SYNPO: variants seen among roughly 807,000 people sequenced by gnomAD.
SYNPO encodes synaptopodin.
SYNPO carries 19 observed loss-of-function variants against 49.5 expected under a neutral mutation model. The observed-to-expected ratio is 0.38, with a 90% CI of 0.27 to 0.56. The LOEUF (loss-of-function observed/expected upper bound fraction) is 0.56. Ranked by LOEUF, SYNPO falls within the 20% of genes least tolerant of loss-of-function variation. SYNPO has a pLI of 0.68. For missense variants in SYNPO, 1,131 were observed against 1,248.3 expected (o/e 0.91, Z 1.42); for synonymous variants, 536 against 548.0 (o/e 0.98, Z 0.31).
intron 2 of SYNPO, among the ~76,000 whole-genome samples, chr5:150,628,149 C>A (rs560003381): frequency 1.3e-5 from 2 of 152,162 alleles, no homozygotes; most frequent in South Asian, 2.1e-4. Flanking sequence ...AACATGGAAG[C>A]AGCCTGTAGG....
upstream of SYNPO, among the ~76,000 whole-genome samples, chr5:150,599,670 CA>C (rs1469041919): frequency 6.6e-6 from 1 of 152,164 alleles, no homozygotes. Context: ...TCTGCGAAGA[CA>C]GAGGCTCTTT....
chr5:150,637,542 G>T (rs1455922189), upstream of SYNPO, among the ~76,000 whole-genome samples: 1 of 152,186 alleles, frequency 6.6e-6, no homozygotes, highest in African/African-American at 2.4e-5. Flanking sequence ...GATTCCCAGC[G>T]CCTTCTTTGG....
At chr5:150,634,685 G>A (rs943105782) in intron 2 of SYNPO, among the ~76,000 whole-genome samples, 6 of 152,040 alleles carry the variant, frequency 3.9e-5, no homozygotes, top group African/African-American at 1.4e-4. Flanking sequence ...GCCGGGTGTG[G>A]TGGTGCATGC....
At chr5:150,646,815 T>A (rs901967996) in intron 1 of SYNPO, among the ~76,000 whole-genome samples, 3 of 152,238 alleles carry the variant, frequency 2.0e-5, no homozygotes, top group African/African-American at 7.2e-5. Context: ...TCCTATGCTA[T>A]AATTCTGAAA....
At chr5:150,637,108 G>A (rs1757742117), upstream of SYNPO, among the ~76,000 whole-genome samples, 1 of 152,212 alleles carries the variant, frequency 6.6e-6, no homozygotes, top group Non-Finnish European at 1.5e-5. Context: ...GTGATTTACT[G>A]AAGGTAGCCC....
In SYNPO at chr5:150,656,923, C is replaced by G; in HGVS notation, c.2548C>G (p.Leu850Val). Residue 850 changes from leucine to valine, a missense_variant, in exon 3 of 3, where the codon CTC becomes GTC. Around this residue, in one of 4 missense-constraint regions of SYNPO, gnomAD observed 509 missense variants for 484.5 expected, o/e 1.05. Transcript: ENST00000307662. ...SPLPAPPRPF[L>V]YRRSPTDSDV... is the part of the protein sequence containing the mutation. ...GCTGCCCGCGCCTCCCAGGCCCTTC[C>G]TCTACCGCCGCTCGCCCACGGACTC... 6.3e-7 allele frequency: 1 copy of G among 1,580,238 alleles called. No homozygotes were observed. The highest frequency in any genetic ancestry group is 8.6e-7 in the Non-Finnish European group (1 of 1,163,972).
At chr5:150,623,344 T>G (rs1757240599) in intron 2 of SYNPO, among the ~76,000 whole-genome samples, 1 of 152,144 alleles carries the variant, frequency 6.6e-6, no homozygotes, top group Admixed American at 6.5e-5. Flanking sequence ...TCCACATCTC[T>G]TTCTCTTTCA....
upstream of SYNPO, among the ~76,000 whole-genome samples, chr5:150,596,665 C>T (rs1756430215): frequency 6.6e-6 from 1 of 151,982 alleles, no homozygotes; most frequent in South Asian, 2.1e-4. Context: ...GGTTCCTGGG[C>T]CAGTGATCTA....
intron 1 of SYNPO, among the ~76,000 whole-genome samples, chr5:150,608,786 G>A (rs1400641339): frequency 6.6e-6 from 1 of 152,198 alleles, no homozygotes; most frequent in Non-Finnish European, 1.5e-5. Flanking sequence ...GGTGTGGCCA[G>A]AGCTTTGGAA....
intron 1 of SYNPO, among the ~76,000 whole-genome samples, chr5:150,604,180 T>A (rs1370240040): frequency 6.6e-6 from 1 of 152,234 alleles, no homozygotes; most frequent in East Asian, 1.9e-4. Context: ...CAAACAGAGA[T>A]CTGCTTCATG....
chr5:150,632,295 T>G (rs996302139), intron 2 of SYNPO, among the ~76,000 whole-genome samples: 1 of 152,230 alleles, frequency 6.6e-6, no homozygotes, highest in Non-Finnish European at 1.5e-5. Context: ...AATCTGCATT[T>G]TGACAACATT....
intron 1 of SYNPO, among the ~76,000 whole-genome samples, chr5:150,643,912 C>T (rs528968399): frequency 3.3e-5 from 5 of 152,080 alleles, no homozygotes; most frequent in South Asian, 2.1e-4. Flanking sequence ...TGGTGGCTCA[C>T]GCCTGTAATC....
At position 150,649,732 on chromosome 5, in the gene SYNPO, G is replaced by A. The variant is rs138664774; in HGVS notation, c.1457G>A (p.Arg486His). 7 of 1,612,918 alleles carry A rather than the reference G, an allele frequency of 4.3e-6. No homozygotes were observed. The highest frequency in any genetic ancestry group is 5.1e-6 in the Non-Finnish European group (6 of 1,180,008). ...ASGKGAELYA[R>H]RQSRMEKYVI... ...GGGAAGGGAGCTGAGCTCTACGCCCGCCGCCAGTCACGGATGGAGAAATAT... is the reference window on the plus strand; with the variant it reads ...GGGAAGGGAGCTGAGCTCTACGCCCACCGCCAGTCACGGATGGAGAAATAT... The change falls in exon 2 of 3, where the codon CGC (arginine) becomes CAC (histidine). Residue 486 changes from arginine (R) to histidine (H), a missense_variant. By Grantham distance (29) the Arg-to-His change is conservative. Around this residue, in one of 4 missense-constraint regions of SYNPO, gnomAD observed 602 missense variants for 720.7 expected, o/e 0.84. Coordinates refer to ENST00000307662, the MANE Select transcript of SYNPO (RefSeq NM_007286.6).
At position 150,657,737 on chromosome 5, in the gene SYNPO, TAG is replaced by T. The variant is rs1758629600; in HGVS notation, c.*655_*656del. ...GCTCTATTTTTATCACAATGACCTT[TAG>T]AGAGGTCTCCCAGGCCAGCTCAAGG... On this transcript the variant is annotated 3_prime_UTR_variant, in exon 3 of 3. Coordinates refer to ENST00000307662, the MANE Select transcript of SYNPO (RefSeq NM_007286.6). The T allele has an allele frequency of 6.6e-6, 1 of 152,542 alleles. No homozygotes were observed. Among genetic ancestry groups the T allele is most frequent in the Non-Finnish European group, 1.5e-5 (1 of 68,196 alleles). 9.4% of individuals were successfully genotyped at this position (152,542 alleles called of 1,614,324 possible). A position where few individuals can be genotyped will look rare whatever the true frequency, so the allele number is the denominator to read the frequency against.
chr5:150,619,764 G>A (rs1029272776), intron 2 of SYNPO, among the ~76,000 whole-genome samples: 6 of 152,314 alleles, frequency 3.9e-5, no homozygotes, highest in Middle Eastern at 3.4e-3. Context: ...CGTCGTTGAC[G>A]CCCGGCTGGC....
rs747048973 is a variant in SYNPO at position 150,648,173 on chromosome 5, C to T, written c.-103C>T. On this transcript the variant is annotated 5_prime_UTR_variant, in exon 2 of 3. Coordinates refer to ENST00000307662, the MANE Select transcript of SYNPO (RefSeq NM_007286.6). This position sits in a 1 kb window ranked among gnomAD's most constrained non-coding sequence, Gnocchi z 5.0. The stretch of plus-strand genomic sequence containing the variant: ...GAGTGCTCCCTTCAAGCCTCCCAGG[C>T]CATGCACCGGGGCTCAGCCTGAGTT... The T allele has an allele frequency of 1.7e-5, 27 of 1,565,876 alleles. No individual in the cohort carries two copies. The highest frequency in any genetic ancestry group is 2.3e-5 in the Non-Finnish European group (26 of 1,154,856).
chr5:150,643,617 C>T (rs946813079), intron 1 of SYNPO, among the ~76,000 whole-genome samples: 1 of 152,168 alleles, frequency 6.6e-6, no homozygotes, highest in African/African-American at 2.4e-5. Context: ...TCACCGCAAC[C>T]TCTGCCTCCC....
At chr5:150,620,945 CTTTTCT>C (rs774509026) in intron 2 of SYNPO, among the ~76,000 whole-genome samples, 1 of 64,800 alleles carries the variant, frequency 1.5e-5, no homozygotes. Context: ...TTCTTTCTTT[CTTTTCT>C]TTTCTTTTTT....
chr5:150,648,384 C>T lies in SYNPO; in HGVS notation c.109C>T (p.Leu37=). 1 of 1,614,210 alleles carries T rather than the reference C, an allele frequency of 6.2e-7. No homozygotes were observed. Among genetic ancestry groups the T allele is most frequent in the Non-Finnish European group, 8.5e-7 (1 of 1,180,040 alleles). The part of the protein sequence containing the change: ...VVYLKENAAL[L]TANGLHLSQN... ...TTATCTAAAGGAGAATGCAGCACTG[C>T]TGACAGCCAATGGGCTGCACCTGTC... Residue 37 remains leucine, a synonymous_variant, in exon 2 of 3, where the codon CTG becomes TTG. Transcript: ENST00000307662. This position sits in a 1 kb window ranked among gnomAD's most constrained non-coding sequence, Gnocchi z 5.0.
Sources: gnomAD v4.1 joint callset for allele counts (sites outside exome capture counted in the v4.1 genomes callset) on GRCh38, gnomAD v4.1.1 for gene constraint, gnomAD v4.1.1 regional missense constraint, Gnocchi (gnomAD v3.1) non-coding constraint, MANE v1.5 for transcripts, NCBI Gene and HGNC (gene_info 2026-07-23, HGNC 2026-07-21) for gene names.